PPP2R2A: variants seen among roughly 807,000 people sequenced by gnomAD.
The protein encoded by PPP2R2A is protein phosphatase 2 regulatory subunit Balpha, also known as serine/threonine-protein phosphatase 2A 55 kDa regulatory subunit B alpha isoform.
A neutral mutation model predicts 53.2 loss-of-function variants in PPP2R2A; 9 were observed. That is an observed-to-expected ratio of 0.17 (90% CI 0.10 to 0.30). PPP2R2A has a LOEUF of 0.30. Among genes scored for constraint, PPP2R2A ranks in the 10% least tolerant of loss-of-function variants. PPP2R2A has a pLI of 1.00. For missense variants in PPP2R2A, 235 were observed against 534.6 expected (o/e 0.44, Z 5.53); for synonymous variants, 169 against 174.2 (o/e 0.97, Z 0.23).
intron 3 of PPP2R2A, among the ~76,000 whole-genome samples, chr8:26,342,829 G>T (rs900580476): frequency 6.6e-6 from 1 of 152,148 alleles, no homozygotes; most frequent in Admixed American, 6.5e-5. Flanking sequence ...AAGGTGGATA[G>T]TATTGTTAAT....
At chr8:26,339,036 A>G (rs1186802744) in intron 3 of PPP2R2A, 49 bp downstream of exon 3, 8 of 1,380,460 alleles carry the variant, frequency 5.8e-6, no homozygotes, top group Non-Finnish European at 8.2e-6. Flanking sequence ...TCTTAGGACT[A>G]GAGCTTGTGT....
chr8:26,333,457 C>T (rs1803483674), intron 2 of PPP2R2A: 1 of 1,108,274 alleles, frequency 9.0e-7, no homozygotes, highest in Non-Finnish European at 1.2e-6. Flanking sequence ...AGTTATAACC[C>T]TCTTTGCACT....
intron 1 of PPP2R2A, chr8:26,292,294 A>G (rs1488813537): frequency 8.1e-6 from 8 of 990,594 alleles, no homozygotes; most frequent in Non-Finnish European, 8.4e-6. Flanking sequence ...AGAGCGCCTT[A>G]TAAGTTAAAA....
At chr8:26,314,511 A>C (rs1224366726) in intron 2 of PPP2R2A, among the ~76,000 whole-genome samples, 1 of 152,148 alleles carries the variant, frequency 6.6e-6, no homozygotes, top group East Asian at 1.9e-4. Flanking sequence ...CACAGTATCC[A>C]GTGCTTTATG....
intron 2 of PPP2R2A, among the ~76,000 whole-genome samples, chr8:26,307,173 G>C (rs936185853): frequency 6.6e-6 from 1 of 152,206 alleles, no homozygotes; most frequent in African/African-American, 2.4e-5. Flanking sequence ...GAGTTGCTGA[G>C]AAGGTTGTAC....
At chr8:26,310,996 CTG>C (rs1215167103) in intron 2 of PPP2R2A, among the ~76,000 whole-genome samples, 1 of 152,056 alleles carries the variant, frequency 6.6e-6, no homozygotes, top group Non-Finnish European at 1.5e-5. Flanking sequence ...TAATTTGGGT[CTG>C]TATTACATGG....
intron 4 of PPP2R2A, among the ~76,000 whole-genome samples, chr8:26,357,109 G>T (rs1171364080): frequency 6.6e-6 from 1 of 152,194 alleles, no homozygotes; most frequent in Admixed American, 6.5e-5. Context: ...ATGAACTGTT[G>T]TGTCTGGGTA....
chr8:26,291,591 C>CGCT lies in PPP2R2A; in HGVS notation c.-226_-224dup. 3.6e-6 allele frequency: 2 copies of CGCT among 558,386 alleles called. No individual in the cohort carries two copies. Among genetic ancestry groups the CGCT allele is most frequent in the Non-Finnish European group, 6.3e-6 (2 of 316,692 alleles). 34.6% of individuals were successfully genotyped at this position (558,386 alleles called of 1,614,324 possible). ...CCGTCGCTGTCGTAGTCGCCGCCGC[C>CGCT]GCTGCCGGAGAAAGAGCACGAGCGG... is the stretch of plus-strand genomic sequence containing the variant. On this transcript the variant is annotated 5_prime_UTR_variant, in exon 1 of 10. Transcript: ENST00000380737.
intron 4 of PPP2R2A, among the ~76,000 whole-genome samples, chr8:26,356,722 C>T (rs1804799251): frequency 6.6e-6 from 1 of 152,156 alleles, no homozygotes; most frequent in African/African-American, 2.4e-5. Flanking sequence ...ATTTTTATGT[C>T]AGTTTATTTC....
chr8:26,339,010 C>T, intron 3 of PPP2R2A, 23 bp downstream of exon 3: 2 of 1,537,672 alleles, frequency 1.3e-6, no homozygotes, highest in Non-Finnish European at 1.8e-6. Context: ...AGTTTATTGT[C>T]TAAATTTCAG....
At chr8:26,324,506 G>T (rs941337187) in intron 2 of PPP2R2A, among the ~76,000 whole-genome samples, 2 of 152,208 alleles carry the variant, frequency 1.3e-5, no homozygotes, top group Admixed American at 6.5e-5. Flanking sequence ...GTTTTCAGAC[G>T]TGTGGAAATG....
At chr8:26,355,483 G>T (rs1400129180) in intron 4 of PPP2R2A, among the ~76,000 whole-genome samples, 4 of 152,088 alleles carry the variant, frequency 2.6e-5, no homozygotes, top group African/African-American at 9.7e-5. Flanking sequence ...GGCTCAAGCA[G>T]TCTGCCCCGC....
intron 3 of PPP2R2A, among the ~76,000 whole-genome samples, chr8:26,349,005 G>A (rs1168557010): frequency 6.6e-6 from 1 of 152,018 alleles, no homozygotes; most frequent in Non-Finnish European, 1.5e-5. Context: ...TGAAGAGACT[G>A]TTGGAACCAT....
chr8:26,327,309 C>T lies in PPP2R2A; in HGVS notation c.83-11581C>T, dbSNP rs759118231. ...GCCCCTCCATGCCTACTGCCCTTCC[C>T]GCCCTTCAGCCTCAGGTTACAGGAA... On this transcript the variant is annotated intron_variant, in intron 2 of 9. Coordinates refer to ENST00000380737, the MANE Select transcript of PPP2R2A (RefSeq NM_002717.4). Among the ~76,000 whole-genome samples, 8 of 152,314 alleles carry T rather than the reference C, an allele frequency of 5.3e-5. No homozygotes were observed. The South Asian group carries it at 8.3e-4, about 16-fold the overall frequency.
intron 2 of PPP2R2A, among the ~76,000 whole-genome samples, chr8:26,325,651 C>G (rs1803051845): frequency 6.6e-6 from 1 of 152,158 alleles, no homozygotes; most frequent in African/African-American, 2.4e-5. Flanking sequence ...TATCAATTAT[C>G]AAGCCTTGTT....
At chr8:26,341,539 C>G (rs1803944081) in intron 3 of PPP2R2A, among the ~76,000 whole-genome samples, 2 of 152,012 alleles carry the variant, frequency 1.3e-5, no homozygotes, top group Admixed American at 6.6e-5. Context: ...TAGATAAAAT[C>G]CAAATTATTT....
At chr8:26,318,183 G>A (rs1802656893) in intron 2 of PPP2R2A, among the ~76,000 whole-genome samples, 1 of 152,116 alleles carries the variant, frequency 6.6e-6, no homozygotes, top group Admixed American at 6.6e-5. Flanking sequence ...CTAATTCTTA[G>A]AACTTTTACT....
At chr8:26,297,172 C>T (rs1801580658) in intron 2 of PPP2R2A, among the ~76,000 whole-genome samples, 1 of 152,116 alleles carries the variant, frequency 6.6e-6, no homozygotes, top group South Asian at 2.1e-4. Flanking sequence ...TGCAGTGGCA[C>T]GATCTCGACT....
chr8:26,310,611 T>TA (rs1392618997), intron 2 of PPP2R2A, among the ~76,000 whole-genome samples: 1 of 151,864 alleles, frequency 6.6e-6, no homozygotes, highest in Non-Finnish European at 1.5e-5. Flanking sequence ...CTTATTGCTT[T>TA]AGGATATATT....
Sources: allele counts gnomAD v4.1 joint callset (sites outside exome capture counted in the v4.1 genomes callset), GRCh38; gene constraint gnomAD v4.1.1; transcripts MANE v1.5; gene names NCBI Gene and HGNC (gene_info 2026-07-23, HGNC 2026-07-21).